The following CNBD1 variants were observed in gnomAD, a reference collection of about 807,000 sequenced individuals.
The protein encoded by CNBD1 is cyclic nucleotide-binding domain-containing protein 1.
CNBD1 carries 71 observed loss-of-function variants against 54.4 expected under a neutral mutation model. The observed-to-expected ratio is 1.30, with a 90% CI of 1.08 to 1.59. The LOEUF (loss-of-function observed/expected upper bound fraction) is 1.59, where lower values mean the gene tolerates loss of function less well. Ranked by LOEUF, CNBD1 falls within the 40% of genes most tolerant of loss-of-function variation. CNBD1 has a pLI of 0.00. For missense variants in CNBD1, 659 were observed against 518.0 expected, an observed-to-expected ratio of 1.27 and a Z score of -2.64; for synonymous variants, 182 against 170.7, an observed-to-expected ratio of 1.07 and a Z score of -0.51.
At chr8:86,998,477 T>C (rs1304216794) in intron 4 of CNBD1, among the ~76,000 whole-genome samples, 1 of 152,134 alleles carries the variant, frequency 6.6e-6, no homozygotes, top group Non-Finnish European at 1.5e-5. Flanking sequence ...TTATGAGAGC[T>C]GAAGAAGAAG....
At chr8:87,206,198 C>A (rs920133213) in intron 5 of CNBD1, 60 bp downstream of exon 5, 6 of 1,300,600 alleles carry the variant, frequency 4.6e-6, no homozygotes, top group Non-Finnish European at 6.2e-6. Context: ...GTTTCGAGTT[C>A]TTTATCATTA....
intron 2 of CNBD1, among the ~76,000 whole-genome samples, chr8:87,420,231 T>C (rs1807908485): frequency 6.6e-6 from 1 of 151,994 alleles, no homozygotes; most frequent in South Asian, 2.1e-4. Flanking sequence ...TTCACAGCTT[T>C]GTGTAAGCAC....
intron 8 of CNBD1, among the ~76,000 whole-genome samples, chr8:87,342,499 TAAACATTA>T (rs940465716): frequency 1.3e-5 from 2 of 152,192 alleles, no homozygotes; most frequent in African/African-American, 2.4e-5. Flanking sequence ...GAAAATAATG[TAAACATTA>T]TGTATACATT....
At chr8:87,360,768 C>T (rs112197445) in intron 10 of CNBD1, among the ~76,000 whole-genome samples, 35 of 151,760 alleles carry the variant, frequency 2.3e-4, no homozygotes, top group African/African-American at 6.5e-4. Context: ...TTTGCCATAC[C>T]GAAAAGGAAA....
chr8:87,078,217 A>C (rs1364122938), intron 4 of CNBD1, among the ~76,000 whole-genome samples: 2 of 152,246 alleles, frequency 1.3e-5, no homozygotes, highest in Non-Finnish European at 2.9e-5. Flanking sequence ...TTGGCCAGTC[A>C]ATAAGACTAG....
At chr8:87,373,234 A>G (rs992393123) in intron 10 of CNBD1, among the ~76,000 whole-genome samples, 1 of 151,844 alleles carries the variant, frequency 6.6e-6, no homozygotes, top group South Asian at 2.1e-4. Context: ...TTAATGACCA[A>G]TGATACTTCT....
intron 5 of CNBD1, among the ~76,000 whole-genome samples, chr8:87,223,541 G>C (rs1039699620): frequency 2.0e-5 from 3 of 152,120 alleles, no homozygotes; most frequent in African/African-American, 7.2e-5. Context: ...GGTTTCCAAT[G>C]TCATCCATGT....
At chr8:87,306,189 A>T (rs1039695457) in intron 8 of CNBD1, among the ~76,000 whole-genome samples, 4 of 152,220 alleles carry the variant, frequency 2.6e-5, no homozygotes, top group African/African-American at 7.2e-5. Flanking sequence ...AATGCAAATC[A>T]AAACTTCAAT....
chr8:86,968,802 A>G (rs571240588), intron 4 of CNBD1, among the ~76,000 whole-genome samples: 1 of 152,316 alleles, frequency 6.6e-6, no homozygotes, highest in East Asian at 1.9e-4. Flanking sequence ...TTGTAAGACA[A>G]CATAGACAAT....
intron 6 of CNBD1, among the ~76,000 whole-genome samples, chr8:87,276,369 A>G (rs1019427997): frequency 2.6e-5 from 4 of 151,842 alleles, no homozygotes; most frequent in Admixed American, 2.0e-4. Context: ...TACAAGCAAT[A>G]ATTTATGTAG....
At chr8:87,051,926 C>T (rs1810319225) in intron 4 of CNBD1, among the ~76,000 whole-genome samples, 2 of 152,190 alleles carry the variant, frequency 1.3e-5, no homozygotes, top group African/African-American at 2.4e-5. Flanking sequence ...CCTGCTGGAC[C>T]ATCTGTGAGA....
At chr8:87,256,267 C>G (rs1432882928) in intron 6 of CNBD1, among the ~76,000 whole-genome samples, 2 of 151,316 alleles carry the variant, frequency 1.3e-5, no homozygotes, top group African/African-American at 2.4e-5. Flanking sequence ...AGTGATCCAC[C>G]CATCTCAGCC....
intron 10 of CNBD1, among the ~76,000 whole-genome samples, chr8:87,357,790 A>G (rs1810449904): frequency 6.6e-6 from 1 of 152,168 alleles, no homozygotes; most frequent in Admixed American, 6.5e-5. Flanking sequence ...GGCCAGCAAC[A>G]GAATGATATA....
rs1156694522 is a variant in CNBD1 at position 87,136,933 on chromosome 8, AAATTATATATTATATTTATATTCTATG to A, written c.432-69059_432-69033del. 2.8e-4 allele frequency among the ~76,000 whole-genome samples: 20 copies of A among 71,066 alleles called. 4 individuals carry two copies. Among genetic ancestry groups the A allele is most frequent in the South Asian group, 4.6e-4 (1 of 2,182 alleles). The allele number at this position is 71,066 out of a possible 152,430, so 46.6% of individuals were successfully genotyped here. A position where few individuals can be genotyped will look rare whatever the true frequency, so the allele number is the denominator to read the frequency against. On this transcript the variant is annotated intron_variant, in intron 4 of 10. Coordinates refer to ENST00000518476, the MANE Select transcript of CNBD1 (RefSeq NM_173538.3). ...TATATATTATATTTATATTCTATGTAAATTATATATTATATTTATATTCTATGTAAATTATATATATTTATATTCTAT... is the reference window on the plus strand; with the variant it reads ...TATATATTATATTTATATTCTATGTATAAATTATATATATTTATATTCTAT...
At chr8:87,367,811 G>T (rs1423465839) in intron 10 of CNBD1, among the ~76,000 whole-genome samples, 2 of 152,056 alleles carry the variant, frequency 1.3e-5, no homozygotes, top group African/African-American at 4.8e-5. Context: ...ACTGAATTGG[G>T]TTTGTTACTC....
rs1219118865 is a variant in CNBD1, at chr8:87,118,331, A to AAG, written c.432-87661_432-87660insGA. On this transcript the variant is annotated intron_variant, in intron 4 of 10. Coordinates refer to ENST00000518476, the MANE Select transcript of CNBD1 (RefSeq NM_173538.3). ...CTCTGTCTCAAAAAAAAAAAAAAAA[A>AAG]AAAAAAATAGAGCGGTACAACGGTA... Among the ~76,000 whole-genome samples the AAG allele has an allele frequency of 2.3e-5, 3 of 129,588 alleles. No individual in the cohort carries two copies. The East Asian group carries it at 6.5e-4, about 28-fold the overall frequency. 85.0% of individuals were successfully genotyped at this position (129,588 alleles called of 152,430 possible).
At chr8:87,368,687 A>G (rs1037881764) in intron 10 of CNBD1, among the ~76,000 whole-genome samples, 4 of 151,898 alleles carry the variant, frequency 2.6e-5, no homozygotes, top group African/African-American at 9.7e-5. Flanking sequence ...AAAGAGAAAG[A>G]TAGCACCTGC....
intron 10 of CNBD1, among the ~76,000 whole-genome samples, chr8:87,362,846 A>G (rs1810551079): frequency 6.6e-6 from 1 of 151,988 alleles, no homozygotes; most frequent in Non-Finnish European, 1.5e-5. Context: ...GATCAATCTT[A>G]TGGAGTTCAT....
chr8:86,944,604 C>CA (rs1305941034), intron 4 of CNBD1, among the ~76,000 whole-genome samples: 3 of 152,048 alleles, frequency 2.0e-5, no homozygotes, highest in Non-Finnish European at 2.9e-5. Context: ...AAACAAATTA[C>CA]AAAAAATAAA....
Sources: allele counts gnomAD v4.1 joint callset (sites outside exome capture counted in the v4.1 genomes callset), GRCh38; gene constraint gnomAD v4.1.1; transcripts MANE v1.5; gene names NCBI Gene and HGNC (gene_info 2026-07-23, HGNC 2026-07-21).